The following SMAD3 variants were observed in gnomAD, a reference collection of about 807,000 sequenced individuals.
SMAD3 encodes MAD homolog 3.
A neutral mutation model predicts 51.8 loss-of-function variants in SMAD3; 12 were observed. That is an observed-to-expected ratio of 0.23 (90% confidence interval 0.15 to 0.38). The LOEUF is 0.38. Ranked by LOEUF, SMAD3 falls within the 10% of genes least tolerant of loss-of-function variation. The probability of loss-of-function intolerance (pLI) is 1.00; values close to 1 mark genes in which losing one functional copy is unlikely to be tolerated. For synonymous variants in SMAD3, 238 were observed against 227.7 expected, an observed-to-expected ratio of 1.05 and a Z score of -0.41; for missense variants, 294 against 565.6, an observed-to-expected ratio of 0.52 and a Z score of 4.87.
Position 67,166,761 on chromosome 15 carries a change from C to G in SMAD3, c.533-18C>G. On this transcript the variant is annotated intron_variant, in intron 3 of 8. Transcript: ENST00000327367. ...CTGTGAAGGCCTTTTAACAGACCAC[C>G]TTCCTTCTGATTCCCAGAGACCCCA... 6.4e-7 allele frequency: 1 copy of G among 1,571,250 alleles called. No homozygotes were observed. The highest frequency in any genetic ancestry group is 8.7e-7 in the Non-Finnish European group (1 of 1,155,010).
chr15:67,136,653 A>C (rs2140259055), intron 1 of SMAD3, among the ~76,000 whole-genome samples: 1 of 152,330 alleles, frequency 6.6e-6, no homozygotes, highest in South Asian at 2.1e-4. Context: ...TTCTTAGAGC[A>C]GGTGTTTTGG....
At chr15:67,138,889 A>C (rs1437875295) in intron 1 of SMAD3, among the ~76,000 whole-genome samples, 1 of 152,208 alleles carries the variant, frequency 6.6e-6, no homozygotes, top group Non-Finnish European at 1.5e-5. Context: ...AATTTCTTTG[A>C]ATGTGCTTTC....
chr15:67,174,947 T>G (rs1358309043), intron 5 of SMAD3, among the ~76,000 whole-genome samples: 1 of 152,234 alleles, frequency 6.6e-6, no homozygotes, highest in Non-Finnish European at 1.5e-5. Context: ...GGTTGAGACC[T>G]GGCTCAGCAT....
At chr15:67,134,724 G>A (rs1382931501) in intron 1 of SMAD3, among the ~76,000 whole-genome samples, 1 of 152,188 alleles carries the variant, frequency 6.6e-6, no homozygotes, top group African/African-American at 2.4e-5. Context: ...TGAAGTCCAG[G>A]ATCGAGAAGA....
At chr15:67,088,406 A>G (rs892857806) in intron 1 of SMAD3, among the ~76,000 whole-genome samples, 1 of 152,186 alleles carries the variant, frequency 6.6e-6, no homozygotes, top group African/African-American at 2.4e-5. Context: ...GCTAGGTGAG[A>G]GCATCTGCCA....
chr15:67,068,388 G>C (rs1366780819), intron 1 of SMAD3, among the ~76,000 whole-genome samples: 2 of 152,200 alleles, frequency 1.3e-5, no homozygotes, highest in African/African-American at 2.4e-5. Flanking sequence ...TTAATCTTTG[G>C]GCTGGTGATA....
In SMAD3 at chr15:67,190,801, A is replaced by C; in HGVS notation, c.*265A>C. 9.2e-6 allele frequency: 5 copies of C among 542,510 alleles called. No homozygotes were observed. The highest frequency in any genetic ancestry group is 1.7e-5 in the Non-Finnish European group (5 of 299,622). The allele number at this position is 542,510 out of a possible 1,614,324, so 33.6% of individuals were successfully genotyped here. ...GGCGTCTGCTCTGGTGGCTTAAGTG[A>C]GCAGAACAGGTAGTATTACACCACC... On this transcript the variant is annotated 3_prime_UTR_variant, in exon 9 of 9. Transcript: ENST00000327367.
At chr15:67,185,056 A>T (rs1345685632) in intron 7 of SMAD3, among the ~76,000 whole-genome samples, 192 bp downstream of exon 7, 2 of 152,232 alleles carry the variant, frequency 1.3e-5, no homozygotes, top group Admixed American at 6.5e-5. Flanking sequence ...CAGGGAGCAG[A>T]TGTAGCATCT....
At chr15:67,101,116 T>C (rs1394198037) in intron 1 of SMAD3, among the ~76,000 whole-genome samples, 3 of 152,204 alleles carry the variant, frequency 2.0e-5, no homozygotes, top group Non-Finnish European at 4.4e-5. Context: ...CTTGTGGATG[T>C]GTCTAGAACA....
chr15:67,086,299 CT>C (rs1043203252), intron 1 of SMAD3, among the ~76,000 whole-genome samples: 15 of 152,138 alleles, frequency 9.9e-5, no homozygotes, highest in Non-Finnish European at 1.9e-4. Flanking sequence ...GAGAGTGTCC[CT>C]GTCTTTGGCT....
chr15:67,140,143 A>C (rs1296661179), intron 1 of SMAD3, among the ~76,000 whole-genome samples: 1 of 152,058 alleles, frequency 6.6e-6, no homozygotes, highest in African/African-American at 2.4e-5. Context: ...AGAGAAAGAA[A>C]AGTGAATGTG....
chr15:67,125,423 G>A (rs1961361256), intron 1 of SMAD3, among the ~76,000 whole-genome samples: 1 of 152,222 alleles, frequency 6.6e-6, no homozygotes, highest in East Asian at 1.9e-4. Context: ...CCCAGTGAAT[G>A]CATGGACCTC....
chr15:67,082,454 CAG>C (rs756904487), intron 1 of SMAD3, among the ~76,000 whole-genome samples: 6 of 152,226 alleles, frequency 3.9e-5, no homozygotes, highest in Non-Finnish European at 7.3e-5. Flanking sequence ...CCTCCTCCCT[CAG>C]GGGAAATTTT....
chr15:67,089,866 C>T (rs1358719594), intron 1 of SMAD3, among the ~76,000 whole-genome samples: 2 of 152,186 alleles, frequency 1.3e-5, no homozygotes, highest in African/African-American at 4.8e-5. Context: ...AGGAAGCGGC[C>T]AGGCAGTAAG....
chr15:67,194,332 G>GC lies in SMAD3; in HGVS notation c.*3797dup, dbSNP rs925028877. 14 of 233,132 alleles carry GC rather than the reference G, an allele frequency of 6.0e-5. No homozygotes were observed. Among genetic ancestry groups the GC allele is most frequent in the African/African-American group, 2.9e-4 (13 of 45,328 alleles). 14.4% of individuals were successfully genotyped at this position (233,132 alleles called of 1,614,324 possible). On this transcript the variant is annotated 3_prime_UTR_variant, in exon 9 of 9. Transcript: ENST00000327367. ...GGGTAGGGAAAGCAGAAAAACGTACGCAAGAGGACATGGATCCAAAATGAT... is the reference window on the plus strand; with the variant it reads ...GGGTAGGGAAAGCAGAAAAACGTACGCCAAGAGGACATGGATCCAAAATGAT...
intron 3 of SMAD3, among the ~76,000 whole-genome samples, chr15:67,165,820 G>A (rs1442793023): frequency 6.6e-6 from 1 of 152,216 alleles, no homozygotes; most frequent in Admixed American, 6.5e-5. Flanking sequence ...CCTCGGTGAG[G>A]GGCTCCAACC....
chr15:67,181,278 G>A lies in SMAD3; in HGVS notation c.696G>A (p.Trp232Ter), dbSNP rs778356642. The change falls in exon 6 of 9, where the codon TGG (tryptophan) becomes TGA (stop). Residue 232 changes from tryptophan to a stop codon, truncating the protein, a stop_gained. Coordinates refer to ENST00000327367, the MANE Select transcript of SMAD3 (RefSeq NM_005902.4). LOFTEE classifies it high-confidence loss of function. ...TTACCTACTGCGAGCCGGCCTTCTG[G>A]TGCTCCATCTCCTACTACGAGCTGA... ...QPVTYCEPAF[W>*]CSISYYELNQ... 1 of 1,613,558 alleles carries A rather than the reference G, an allele frequency of 6.2e-7. No individual in the cohort carries two copies. The highest frequency in any genetic ancestry group is 2.2e-5 in the East Asian group (1 of 44,882).
At chr15:67,083,038 C>T (rs1960311287) in intron 1 of SMAD3, among the ~76,000 whole-genome samples, 1 of 152,162 alleles carries the variant, frequency 6.6e-6, no homozygotes, top group African/African-American at 2.4e-5. Context: ...CCTGGTGGAG[C>T]AGAGAGAGGT....
At chr15:67,098,682 A>C in intron 1 of SMAD3, 1 of 566,348 alleles carries the variant, frequency 1.8e-6, no homozygotes, top group Non-Finnish European at 3.2e-6. Context: ...ATTAAAGAAA[A>C]CAAGCTTCGG....
Sources: gnomAD v4.1 joint callset for allele counts (sites outside exome capture counted in the v4.1 genomes callset) on GRCh38, gnomAD v4.1.1 for gene constraint, MANE v1.5 for transcripts, NCBI Gene and HGNC (gene_info 2026-07-23, HGNC 2026-07-21) for gene names.